Variants in PDE1C observed in about 807,000 individuals in gnomAD.
PDE1C encodes the protein phosphodiesterase 1C.
In PDE1C, 62 loss-of-function variants were observed where a neutral mutation model predicts 93.1. The observed-to-expected ratio is 0.67, with a 90% confidence interval of 0.54 to 0.82. The LOEUF (loss-of-function observed/expected upper bound fraction) is 0.82, where lower values mean the gene tolerates loss of function less well. Among genes scored for constraint, PDE1C ranks in the 40% least tolerant of loss-of-function variants. The pLI is 0.00. For synonymous variants in PDE1C, 325 were observed against 310.1 expected, an observed-to-expected ratio of 1.05 and a Z score of -0.50; for missense variants, 742 against 884.6, an observed-to-expected ratio of 0.84 and a Z score of 2.04.
At chr7:32,419,615 C>T (rs1466297958) in intron 1 of PDE1C, among the ~76,000 whole-genome samples, 4 of 152,218 alleles carry the variant, frequency 2.6e-5, no homozygotes, top group East Asian at 3.9e-4. Flanking sequence ...CCCAACCTTC[C>T]TGGCAGTGGC....
intron 1 of PDE1C, among the ~76,000 whole-genome samples, chr7:32,238,418 G>T (rs1808296288): frequency 6.6e-6 from 1 of 152,186 alleles, no homozygotes. Flanking sequence ...TCCAAATAAA[G>T]TTATATATTT....
intron 1 of PDE1C, among the ~76,000 whole-genome samples, chr7:32,227,806 CA>C (rs1176385184): frequency 6.6e-6 from 1 of 152,174 alleles, no homozygotes; most frequent in Non-Finnish European, 1.5e-5. Flanking sequence ...TCTCTTAGAT[CA>C]ATTACTCTAG....
chr7:32,051,755 T>C (rs1287698766), intron 1 of PDE1C, among the ~76,000 whole-genome samples, 175 bp from the exon 2 acceptor site: 3 of 152,164 alleles, frequency 2.0e-5, no homozygotes, highest in African/African-American at 7.2e-5. Flanking sequence ...TGTTATATTG[T>C]AGTCAGAAGT....
rs577626810 is a variant in PDE1C, at chr7:32,130,934, T to C, written c.308+38851A>G. Among the ~76,000 whole-genome samples the C allele has an allele frequency of 1.1e-3, 162 of 152,164 alleles. 1 individual carries two copies. Among genetic ancestry groups the C allele is most frequent in the African/African-American group, 3.8e-3 (156 of 41,512 alleles). ...AATAATAATGGTAATAAGTACATAC[T>C]TATTACTAACTTTTACTGGGCATTT... is the stretch of plus-strand genomic sequence containing the variant. On this transcript the variant is annotated intron_variant, in intron 3 of 18. Coordinates refer to the PDE1C transcript ENST00000396193.
chr7:32,125,294 A>C (rs1799515420), intron 3 of PDE1C, among the ~76,000 whole-genome samples: 1 of 152,178 alleles, frequency 6.6e-6, no homozygotes, highest in African/African-American at 2.4e-5. Context: ...TTCAATAATT[A>C]TGGAAGACAG....
intron 1 of PDE1C, among the ~76,000 whole-genome samples, chr7:32,374,269 A>AAGAAAGAAAG (rs1784391769): frequency 7.1e-6 from 1 of 141,424 alleles, no homozygotes; most frequent in Non-Finnish European, 1.5e-5. Context: ...GAAAGAAAGA[A>AAGAAAGAAAG]AGAAAGAAAG....
At chr7:32,253,013 T>C (rs771654853) in intron 1 of PDE1C, among the ~76,000 whole-genome samples, 1 of 152,192 alleles carries the variant, frequency 6.6e-6, no homozygotes, top group African/African-American at 2.4e-5. Flanking sequence ...GTTCTAAGCA[T>C]AGGTGTAGCA....
At chr7:32,411,401 T>C (rs1405023715) in intron 1 of PDE1C, among the ~76,000 whole-genome samples, 4 of 152,226 alleles carry the variant, frequency 2.6e-5, no homozygotes, top group African/African-American at 9.6e-5. Flanking sequence ...TACAAACCTA[T>C]ACAGCATGTT....
At chr7:31,838,325 C>G (rs943062866) in intron 9 of PDE1C, among the ~76,000 whole-genome samples, 1 of 152,086 alleles carries the variant, frequency 6.6e-6, no homozygotes, top group African/African-American at 2.4e-5. Flanking sequence ...AATTAATCAT[C>G]CGTATTTCAC....
intron 7 of PDE1C, among the ~76,000 whole-genome samples, chr7:31,854,059 T>C (rs983374809): frequency 6.6e-6 from 1 of 151,954 alleles, no homozygotes; most frequent in African/African-American, 2.4e-5. Context: ...AAAGTTCATA[T>C]AGGATGTACA....
the PDE1C span, among the ~76,000 whole-genome samples, chr7:31,721,545 G>A: frequency 6.6e-6 from 1 of 152,214 alleles, no homozygotes; most frequent in Non-Finnish European, 1.5e-5. Flanking sequence ...GATGGACATA[G>A]AATCAACCAT....
At chr7:31,711,465 T>G in the PDE1C span, among the ~76,000 whole-genome samples, 1 of 152,252 alleles carries the variant, frequency 6.6e-6, no homozygotes, top group South Asian at 2.1e-4. Context: ...GTCTCTGAAC[T>G]CTTAGCCTAG....
chr7:31,821,764 C>A (rs188990192), intron 14 of PDE1C, among the ~76,000 whole-genome samples: 127 of 152,242 alleles, frequency 8.3e-4, no homozygotes, highest in African/African-American at 2.9e-3. Flanking sequence ...ATGGACAAGT[C>A]ACAAAATTGG....
intron 1 of PDE1C, among the ~76,000 whole-genome samples, chr7:32,354,639 G>A (rs1427299956): frequency 6.6e-6 from 1 of 152,148 alleles, no homozygotes; most frequent in Non-Finnish European, 1.5e-5. Flanking sequence ...AAGAGCCCAA[G>A]CTCATGAGTT....
In PDE1C at chr7:32,230,461, A is replaced by G. The variant is rs150232133; in HGVS notation, c.86-20922T>C. Among the ~76,000 whole-genome samples the G allele has an allele frequency of 2.0e-3, 307 of 152,264 alleles. 1 individual carries two copies. The highest frequency in any genetic ancestry group is 3.5e-3 in the Non-Finnish European group (240 of 68,030). Reference sequence around the variant, plus strand: ...GGTGCAGCTTCCTTTCCAGAAAATGAAGCCCAAGTATGCCCAAGTTAGAAG... The same window carrying G: ...GGTGCAGCTTCCTTTCCAGAAAATGGAGCCCAAGTATGCCCAAGTTAGAAG... On this transcript the variant is annotated intron_variant, in intron 1 of 18. Transcript: ENST00000396193.
chr7:31,916,370 G>A (rs1369085731), intron 2 of PDE1C, among the ~76,000 whole-genome samples: 1 of 152,006 alleles, frequency 6.6e-6, no homozygotes, highest in Non-Finnish European at 1.5e-5. Context: ...AAAGATATCT[G>A]GAAATATCAT....
At chr7:32,193,721 G>C (rs552672861) in intron 2 of PDE1C, among the ~76,000 whole-genome samples, 326 of 152,234 alleles carry the variant, frequency 2.1e-3, no homozygotes, top group Non-Finnish European at 3.9e-3. Flanking sequence ...ATGTAGAATT[G>C]ATGTTAAATT....
chr7:32,174,421 G>A (rs147094276), intron 2 of PDE1C, among the ~76,000 whole-genome samples: 3 of 152,266 alleles, frequency 2.0e-5, no homozygotes, highest in Admixed American at 1.3e-4. Flanking sequence ...ACCCAGAGGA[G>A]AGCTCACCCA....
chr7:31,689,570 T>C, the PDE1C span, among the ~76,000 whole-genome samples: 3 of 152,080 alleles, frequency 2.0e-5, no homozygotes, highest in Non-Finnish European at 4.4e-5. Context: ...ATGTCAAGAA[T>C]TAGACCGGCT....
Sources: gnomAD v4.1 joint callset for allele counts (sites outside exome capture counted in the v4.1 genomes callset) on GRCh38, gnomAD v4.1.1 for gene constraint, MANE v1.5 for transcripts, NCBI Gene and HGNC (gene_info 2026-07-23, HGNC 2026-07-21) for gene names.